DDX46: variants seen among roughly 807,000 people sequenced by gnomAD.
The protein encoded by DDX46 is DEAD-box helicase 46, also known as probable ATP-dependent RNA helicase DDX46.
Under a neutral mutation model 134.9 loss-of-function variants are expected in DDX46, and 30 were observed. The observed-to-expected ratio is 0.22, with a 90% CI of 0.17 to 0.30. The LOEUF is 0.30. Among genes scored for constraint, DDX46 ranks in the 10% least tolerant of loss-of-function variants. The pLI is 1.00. For synonymous variants in DDX46, 415 were observed against 404.1 expected (o/e 1.03, Z -0.32); for missense variants, 622 against 1,248.7 (o/e 0.50, Z 7.56).
chr5:134,827,279 CTT>C (rs1364218039), intron 22 of DDX46, among the ~76,000 whole-genome samples: 4 of 145,064 alleles, frequency 2.8e-5, no homozygotes, highest in Admixed American at 1.4e-4. Flanking sequence ...CTTTTCTTTT[CTT>C]TTTTTTTTTT....
chr5:134,767,727 G>T (rs538637724), intron 3 of DDX46, among the ~76,000 whole-genome samples: 1 of 151,792 alleles, frequency 6.6e-6, no homozygotes, highest in African/African-American at 2.4e-5. Context: ...AAGGTGGGCG[G>T]ATCACCTGAG....
Position 134,766,807 on chromosome 5 carries a change from C to A in DDX46, c.207-110C>A. 4.6e-6 allele frequency: 6 copies of A among 1,307,752 alleles called. No individual in the cohort carries two copies. The South Asian group carries it at 9.8e-5, about 21-fold the overall frequency. 81.0% of individuals were successfully genotyped at this position (1,307,752 alleles called of 1,614,324 possible). A position where few individuals can be genotyped will look rare whatever the true frequency, so the allele number is the denominator to read the frequency against. ...TGGCTTTACTTCATTGAGACCTCCA[C>A]CTTTAATAATGGTAGTGATTAAGAT... On this transcript the variant is annotated intron_variant, in intron 2 of 22. Coordinates refer to ENST00000452510, the MANE Select transcript of DDX46 (RefSeq NM_001300860.2).
At chr5:134,813,629 T>C (rs1324621944) in intron 18 of DDX46, among the ~76,000 whole-genome samples, 1 of 151,884 alleles carries the variant, frequency 6.6e-6, no homozygotes, top group Non-Finnish European at 1.5e-5. Context: ...GTTTTTTTTG[T>C]CTTGTTTTGT....
At chr5:134,780,094 ATATATGTG>A (rs1561857625) in intron 6 of DDX46, among the ~76,000 whole-genome samples, 1 of 124,324 alleles carries the variant, frequency 8.0e-6, no homozygotes, top group Non-Finnish European at 1.6e-5. Flanking sequence ...TCTGAAAAAA[ATATATGTG>A]TGTGTGTGTG....
At chr5:134,783,486 G>A in intron 9 of DDX46, among the ~76,000 whole-genome samples, 2 of 122 alleles carry the variant, frequency 0.016, no homozygotes, top group Non-Finnish European at 0.05. Context: ...CCTGACCTCA[G>A]GTGATCCGCC....
At chr5:134,775,414 A>G (rs1305572612) in intron 5 of DDX46, among the ~76,000 whole-genome samples, 1 of 152,120 alleles carries the variant, frequency 6.6e-6, no homozygotes, top group Non-Finnish European at 1.5e-5. Context: ...GATTCTATCT[A>G]TAAGTAGTCA....
intron 21 of DDX46, among the ~76,000 whole-genome samples, chr5:134,819,837 T>C (rs1755392893): frequency 6.6e-6 from 1 of 151,358 alleles, no homozygotes; most frequent in African/African-American, 2.4e-5. Flanking sequence ...GCCCAGCCTA[T>C]TTTGTTTTTT....
chr5:134,783,123 C>A, intron 9 of DDX46, 58 bp downstream of exon 9: 1 of 1,576,636 alleles, frequency 6.3e-7, no homozygotes, highest in South Asian at 1.2e-5. Context: ...ATAGTCCTTC[C>A]ACACCAGTGT....
Position 134,813,533 on chromosome 5 carries a change from T to G in DDX46, c.2436+1688T>G, listed in dbSNP as rs553025398. Among the ~76,000 whole-genome samples the G allele has an allele frequency of 9.4e-4, 143 of 152,368 alleles. 1 individual carries two copies. Among genetic ancestry groups the G allele is most frequent in the African/African-American group, 3.4e-3 (142 of 41,580 alleles). On this transcript the variant is annotated intron_variant, in intron 18 of 22. Coordinates refer to ENST00000452510, the MANE Select transcript of DDX46 (RefSeq NM_001300860.2). ...AGCTGGCTTTCCCCACAGTGAGTGA[T>G]CAAAGAGAGCAAAGAGAAAGCTTTA... is the stretch of plus-strand genomic sequence containing the variant.
intron 12 of DDX46, among the ~76,000 whole-genome samples, chr5:134,788,848 CA>C (rs59766087): frequency 4.5e-4 from 61 of 135,842 alleles, no homozygotes; most frequent in Non-Finnish European, 3.5e-4. Context: ...GACTCCGTCT[CA>C]AAAAAAAAAA....
intron 20 of DDX46, 68 bp downstream of exon 20, chr5:134,817,782 C>T: frequency 7.6e-7 from 1 of 1,320,416 alleles, no homozygotes. Context: ...AAAATCTCAT[C>T]TTTAAAACCC....
chr5:134,767,401 A>G (rs1025375774), intron 3 of DDX46, among the ~76,000 whole-genome samples: 1 of 152,054 alleles, frequency 6.6e-6, no homozygotes, highest in Non-Finnish European at 1.5e-5. Context: ...TGAAGTGGCA[A>G]GAACATAGCT....
chr5:134,796,006 A>G lies in DDX46; in HGVS notation c.1810A>G (p.Lys604Glu), dbSNP rs1246138004. Residue 604 changes from lysine to glutamate, a missense_variant, in exon 15 of 23, where the codon AAG becomes GAG. This residue lies in a region of DDX46 where 209 missense variants were observed against 508.4 expected (regional missense o/e 0.41). Coordinates refer to ENST00000452510, the MANE Select transcript of DDX46 (RefSeq NM_001300860.2). The part of the protein sequence containing the change: ...EQQVIVIEEE[K>E]KFLKLLELLG... ...TTTTCAGATTGTGATTGAAGAAGAA[A>G]AGAAATTCTTGAAGTTACTTGAGCT... 2 of 1,612,984 alleles carry G rather than the reference A, an allele frequency of 1.2e-6. No homozygotes were observed. The highest frequency in any genetic ancestry group is 1.3e-5 in the African/African-American group (1 of 74,868).
At chr5:134,798,120 A>T (rs961606821) in intron 15 of DDX46, among the ~76,000 whole-genome samples, 3 of 147,836 alleles carry the variant, frequency 2.0e-5, no homozygotes, top group South Asian at 2.1e-4. Context: ...CCCGAAAATG[A>T]CTTTTTTGTG....
intron 13 of DDX46, among the ~76,000 whole-genome samples, chr5:134,792,881 G>A (rs1754544681): frequency 6.6e-6 from 1 of 152,204 alleles, no homozygotes; most frequent in Admixed American, 6.5e-5. Context: ...GAGGCTTGGC[G>A]TGGTGATGTA....
chr5:134,777,665 G>A lies in DDX46; in HGVS notation c.705G>A (p.Val235=), dbSNP rs767325093. The change falls in exon 6 of 23, where the codon GTG becomes GTA. Residue 235 remains valine (V), a synonymous_variant. Coordinates refer to ENST00000452510, the MANE Select transcript of DDX46 (RefSeq NM_001300860.2). ...LDPLDAYMEE[V]KEEVKKFNMR... The stretch of plus-strand genomic sequence containing the variant: ...CATTAGATGCTTACATGGAAGAAGT[G>A]AAAGAGGAAGTAAAAAAATTTAACA... 3.9e-5 allele frequency: 63 copies of A among 1,613,382 alleles called. No homozygotes were observed. The highest frequency in any genetic ancestry group is 5.2e-5 in the Non-Finnish European group (61 of 1,179,882).
chr5:134,788,120 T>C (rs1754396162), intron 11 of DDX46, among the ~76,000 whole-genome samples: 1 of 151,870 alleles, frequency 6.6e-6, no homozygotes, highest in Non-Finnish European at 1.5e-5. Context: ...CTAGTCTATG[T>C]GGTCACTTAG....
chr5:134,767,283 CT>C (rs1202847247), intron 3 of DDX46, among the ~76,000 whole-genome samples: 2 of 152,072 alleles, frequency 1.3e-5, no homozygotes, highest in Non-Finnish European at 2.9e-5. Flanking sequence ...ACATTGTATT[CT>C]TACTTAATAC....
chr5:134,780,990 C>T (rs967882891), intron 6 of DDX46, 143 bp from the exon 7 acceptor site: 24 of 546,246 alleles, frequency 4.4e-5, no homozygotes, highest in Non-Finnish European at 7.0e-5. Flanking sequence ...GATCACACCA[C>T]TCAAGCCTGG....
Sources: allele counts gnomAD v4.1 joint callset (sites outside exome capture counted in the v4.1 genomes callset), GRCh38; gene constraint gnomAD v4.1.1; regional missense constraint gnomAD v4.1.1; transcripts MANE v1.5; gene names NCBI Gene and HGNC (gene_info 2026-07-23, HGNC 2026-07-21).